The following DRICH1 variants were observed in gnomAD, a reference collection of about 807,000 sequenced individuals.
DRICH1 encodes aspartate rich 1.
A neutral mutation model predicts 39.5 loss-of-function variants in DRICH1; 38 were observed. The ratio of observed to expected loss-of-function variants is 0.96; its 90% CI spans 0.74 to 1.26. The LOEUF (loss-of-function observed/expected upper bound fraction) is 1.26, where lower values mean the gene tolerates loss of function less well. Among genes scored for constraint, DRICH1 ranks in the 50% most tolerant of loss-of-function variants. DRICH1 has a pLI of 0.00. For synonymous variants in DRICH1, 84 were observed against 99.5 expected (o/e 0.84, Z 0.93); for missense variants, 279 against 270.4 (o/e 1.03, Z -0.22).
At chr22:23,592,031 C>A in the DRICH1 span, among the ~76,000 whole-genome samples, 1 of 152,190 alleles carries the variant, frequency 6.6e-6, no homozygotes, top group African/African-American at 2.4e-5. Context: ...CCTTCTGTGG[C>A]TACGCGAGGG....
chr22:23,590,380 C>A, the DRICH1 span, among the ~76,000 whole-genome samples: 5 of 150,934 alleles, frequency 3.3e-5, no homozygotes, highest in African/African-American at 1.2e-4. Context: ...TGGGTTCAAG[C>A]AATTCTCCTG....
At chr22:23,624,321 C>A (rs1927933211) in intron 3 of DRICH1, 2 of 985,238 alleles carry the variant, frequency 2.0e-6, no homozygotes, top group Non-Finnish European at 2.4e-6. Context: ...TCAGAAAAAT[C>A]ATCTTTAAAT....
At chr22:23,604,267 T>C (rs1002052841), downstream of DRICH1, among the ~76,000 whole-genome samples, 2 of 152,052 alleles carry the variant, frequency 1.3e-5, no homozygotes, top group Non-Finnish European at 2.9e-5. Flanking sequence ...CAGGACTCAC[T>C]TGGTCCAGCC....
At chr22:23,614,355 G>A (rs771515616) in intron 8 of DRICH1, 141 bp from the exon 9 acceptor site, 1 of 644,778 alleles carries the variant, frequency 1.6e-6, no homozygotes, top group Non-Finnish European at 2.8e-6. Context: ...CCCCTGAGTG[G>A]AAGAGGGATG....
chr22:23,581,099 A>T, the DRICH1 span: 1 of 152,258 alleles, frequency 6.6e-6, no homozygotes, highest in Non-Finnish European at 1.5e-5. Context: ...ATGCTTTTGT[A>T]GTGAGAACAT....
downstream of DRICH1, among the ~76,000 whole-genome samples, chr22:23,603,681 G>A (rs1434977257): frequency 2.6e-5 from 4 of 152,074 alleles, no homozygotes; most frequent in Non-Finnish European, 5.9e-5. Context: ...TGATCTGTGA[G>A]ACCAGTACTG....
intron 7 of DRICH1, 74 bp downstream of exon 7, chr22:23,617,501 G>A: frequency 1.3e-6 from 2 of 1,529,712 alleles, no homozygotes; most frequent in Non-Finnish European, 1.8e-6. Flanking sequence ...CATTCTTTGG[G>A]ATTGGATTGG....
At chr22:23,614,496 C>A (rs994914723) in intron 8 of DRICH1, among the ~76,000 whole-genome samples, 2 of 152,150 alleles carry the variant, frequency 1.3e-5, no homozygotes, top group Non-Finnish European at 2.9e-5. Flanking sequence ...TGGAAGAGTG[C>A]CTTCCTCCCT....
the DRICH1 span, among the ~76,000 whole-genome samples, chr22:23,589,503 T>C: frequency 1.3e-5 from 2 of 151,780 alleles, no homozygotes; most frequent in Non-Finnish European, 1.5e-5. Flanking sequence ...TGTGTGTATG[T>C]GTGTGTGTAT....
chr22:23,630,412 ACTCT>A (rs35643033), intron 1 of DRICH1, among the ~76,000 whole-genome samples: 38 of 151,024 alleles, frequency 2.5e-4, no homozygotes, highest in Non-Finnish European at 4.4e-4. Flanking sequence ...TCCTTTCCAC[ACTCT>A]CTCTCTCTCT....
intron 1 of DRICH1, among the ~76,000 whole-genome samples, chr22:23,627,550 T>C (rs149647942): frequency 0.011 from 1,747 of 151,982 alleles, 45 homozygotes; most frequent in African/African-American, 0.04. Context: ...TTATGGTTAC[T>C]TCCTGGGCAT....
At position 23,624,900 on chromosome 22, in the gene DRICH1, A is replaced by G. The variant is rs746438634; in HGVS notation, c.281T>C (p.Leu94Ser). 3 of 1,613,638 alleles carry G rather than the reference A, an allele frequency of 1.9e-6. No individual in the cohort carries two copies. Among genetic ancestry groups the G allele is most frequent in the Admixed American group, 1.7e-5 (1 of 60,006 alleles). ...SEEDNDDAKI[L>S]PSPVQGSSED... The stretch of plus-strand genomic sequence containing the variant: ...GTACGTACCCTGGACAGGTGATGGT[A>G]AAATCTGCAATGAGACAAAAGAAGA... The change falls in exon 3 of 12, where the codon TTA becomes TCA. Residue 94 changes from leucine to serine, a missense_variant. Leu to Ser is a moderately radical substitution (Grantham distance 145). Coordinates refer to ENST00000317749, the MANE Select transcript of DRICH1 (RefSeq NM_016449.4).
intron 3 of DRICH1, among the ~76,000 whole-genome samples, chr22:23,623,545 T>C (rs1268778097): frequency 6.6e-6 from 1 of 152,216 alleles, no homozygotes; most frequent in Non-Finnish European, 1.5e-5. Context: ...TATTCATGGA[T>C]AGGAAGACTG....
downstream of DRICH1, among the ~76,000 whole-genome samples, chr22:23,606,513 C>T (rs1379808241): frequency 6.6e-6 from 1 of 152,198 alleles, no homozygotes; most frequent in African/African-American, 2.4e-5. Context: ...GAGACACTGG[C>T]CTCCACTCTA....
At position 23,608,660 on chromosome 22, in the gene DRICH1, G is replaced by C; in HGVS notation, c.*104C>G. 1 of 1,157,870 alleles carries C rather than the reference G, an allele frequency of 8.6e-7. No individual in the cohort carries two copies. The highest frequency in any genetic ancestry group is 1.3e-5 in the South Asian group (1 of 76,024). The allele number at this position is 1,157,870 out of a possible 1,614,324, so 71.7% of individuals were successfully genotyped here. ...CTGCTGGGACCAAGAGTTTTCCTCA[G>C]AATGTAGAGAGGATTGAGACCTCCA... On this transcript the variant is annotated 3_prime_UTR_variant, in exon 12 of 12. Transcript: ENST00000317749.
intron 3 of DRICH1, among the ~76,000 whole-genome samples, chr22:23,623,535 T>C (rs2211896): frequency 0.26 from 38,882 of 152,148 alleles, 5,071 homozygotes; most frequent in East Asian, 0.34. Context: ...AGGCATCCCA[T>C]ATTCATGGAT....
chr22:23,623,925 C>T (rs1927913960), intron 3 of DRICH1: 1 of 976,644 alleles, frequency 1.0e-6, no homozygotes, highest in Non-Finnish European at 1.2e-6. Context: ...GATGGTAAAA[C>T]TGCATATTCT....
the DRICH1 span, among the ~76,000 whole-genome samples, chr22:23,600,657 C>T: frequency 4.3e-5 from 5 of 115,514 alleles, no homozygotes; most frequent in East Asian, 1.1e-3. Flanking sequence ...CCTCTAAAAA[C>T]GATTCGGCAA....
intron 1 of DRICH1, among the ~76,000 whole-genome samples, chr22:23,629,565 C>G (rs558651909): frequency 6.6e-6 from 1 of 152,122 alleles, no homozygotes; most frequent in African/African-American, 2.4e-5. Context: ...TGAGTTCTGA[C>G]GTGGCACTGG....
Sources: allele counts gnomAD v4.1 joint callset (sites outside exome capture counted in the v4.1 genomes callset), GRCh38; gene constraint gnomAD v4.1.1; transcripts MANE v1.5; gene names NCBI Gene and HGNC (gene_info 2026-07-23, HGNC 2026-07-21).